NAV3: variants seen among roughly 807,000 people sequenced by gnomAD.
NAV3 encodes the protein pore membrane and/or filament interacting like protein 1.
In NAV3, 87 loss-of-function variants were observed where a neutral mutation model predicts 244.7. The ratio of observed to expected loss-of-function variants is 0.36; its 90% CI spans 0.30 to 0.42. The LOEUF is 0.42. NAV3 is among the 20% of genes least tolerant of loss of function. The pLI, the probability that NAV3 is intolerant of heterozygous loss-of-function variation, is 1.00. For synonymous variants in NAV3, 1,126 were observed against 1,042.2 expected, an observed-to-expected ratio of 1.08 and a Z score of -1.55; for missense variants, 2,663 against 2,893.3, an observed-to-expected ratio of 0.92 and a Z score of 1.83.
chr12:77,827,559 G>C (rs965358446), upstream of NAV3, among the ~76,000 whole-genome samples: 1 of 152,078 alleles, frequency 6.6e-6, no homozygotes, highest in African/African-American at 2.4e-5. Context: ...GGAATAAAAT[G>C]ACAACCAATT....
chr12:77,685,254 G>A (rs1040983424), intron 2 of NAV3, among the ~76,000 whole-genome samples: 2 of 152,136 alleles, frequency 1.3e-5, no homozygotes, highest in African/African-American at 4.8e-5. Context: ...CCTGTAAGCG[G>A]TGTGTAACAT....
At chr12:77,924,833 G>T (rs759650573) in intron 1 of NAV3, among the ~76,000 whole-genome samples, 9 of 151,948 alleles carry the variant, frequency 5.9e-5, no homozygotes, top group Non-Finnish European at 1.0e-4. Flanking sequence ...ATATTCCATT[G>T]ATTATAATAA....
intron 1 of NAV3, among the ~76,000 whole-genome samples, chr12:77,865,624 A>G (rs1397184570): frequency 6.6e-6 from 1 of 152,110 alleles, no homozygotes; most frequent in Non-Finnish European, 1.5e-5. Flanking sequence ...TGTTAAGAAT[A>G]ATATTTAGGG....
Position 77,751,635 on chromosome 12 carries a change from G to C in NAV3, c.72+179369G>C, listed in dbSNP as rs116669862. Among the ~76,000 whole-genome samples, 405 of 152,178 alleles carry C rather than the reference G, an allele frequency of 2.7e-3. 1 individual carries two copies. Among genetic ancestry groups the C allele is most frequent in the Middle Eastern group, 0.017 (5 of 294 alleles). ...GAGGCCCCCCCAGCCATGCCTAACT[G>C]TGAATCAATTAAACCTCTTTCCTTT... On this transcript the variant is annotated intron_variant, in intron 2 of 8. Coordinates refer to the NAV3 transcript ENST00000550042.
At position 77,868,662 on chromosome 12, in the gene NAV3, G is replaced by A. The variant is rs566259034; in HGVS notation, c.243+36958G>A. ...TCCCAGCTCCTCAGGTGGCTGAGGC[G>A]GGAGGATTGCTAGAACCTGGGAAAT... On this transcript the variant is annotated intron_variant, in intron 1 of 39. Coordinates refer to ENST00000397909, the MANE Select transcript of NAV3 (RefSeq NM_001024383.2). 1.6e-3 allele frequency among the ~76,000 whole-genome samples: 248 copies of A among 151,218 alleles called. 1 individual carries two copies. Among genetic ancestry groups the A allele is most frequent in the Middle Eastern group, 0.01 (3 of 292 alleles).
intron 2 of NAV3, among the ~76,000 whole-genome samples, chr12:77,649,714 A>G (rs750370476): frequency 6.6e-6 from 1 of 152,166 alleles, no homozygotes; most frequent in Non-Finnish European, 1.5e-5. Flanking sequence ...GTCTTGACAA[A>G]TATAAGATCA....
chr12:77,838,648 T>C (rs1360113590), intron 1 of NAV3, among the ~76,000 whole-genome samples: 3 of 152,166 alleles, frequency 2.0e-5, no homozygotes, highest in African/African-American at 7.2e-5. Context: ...ATAAAGCCAA[T>C]AGATATGTCA....
At chr12:77,975,349 A>T (rs1868298491) in intron 5 of NAV3, among the ~76,000 whole-genome samples, 1 of 152,224 alleles carries the variant, frequency 6.6e-6, no homozygotes, top group African/African-American at 2.4e-5. Context: ...AAAAGAGATT[A>T]AAAAATCTTT....
intron 2 of NAV3, among the ~76,000 whole-genome samples, chr12:77,722,202 A>G (rs1379524122): frequency 6.6e-6 from 1 of 152,112 alleles, no homozygotes; most frequent in African/African-American, 2.4e-5. Context: ...GGAAAGGTAT[A>G]AAAATGAATT....
In NAV3 at chr12:77,915,679, C is replaced by T. The variant is rs115124663; in HGVS notation, c.244-24640C>T. On this transcript the variant is annotated intron_variant, in intron 1 of 39. Transcript: ENST00000397909. ...ATATCCCTGAAGATAGTTATTTCATCTCTATGAAATAATTAAATTCACTGC... is the reference window on the plus strand; with the variant it reads ...ATATCCCTGAAGATAGTTATTTCATTTCTATGAAATAATTAAATTCACTGC... 2.7e-3 allele frequency among the ~76,000 whole-genome samples: 404 copies of T among 152,062 alleles called. 1 individual carries two copies. Among genetic ancestry groups the T allele is most frequent in the Middle Eastern group, 0.01 (3 of 294 alleles).
At chr12:78,128,267 TAA>T (rs33971273) in intron 17 of NAV3, among the ~76,000 whole-genome samples, 5 of 142,550 alleles carry the variant, frequency 3.5e-5, no homozygotes, top group Admixed American at 7.0e-5. Flanking sequence ...GTTTTTCCTT[TAA>T]AAAAAAAAAA....
rs1594066931 is a variant in NAV3, at chr12:78,210,529, A to G, written c.*12A>G. The G allele has an allele frequency of 6.2e-7, 1 of 1,608,014 alleles. No individual in the cohort carries two copies. Among genetic ancestry groups the G allele is most frequent in the African/African-American group, 1.3e-5 (1 of 74,552 alleles). The stretch of plus-strand genomic sequence containing the variant: ...AATCTACCCTCTAGAGGGTGAAAAA[A>G]GTTAAGGGAAAAGACTTTGCTTTTA... On this transcript the variant is annotated 3_prime_UTR_variant, in exon 40 of 40. Transcript: ENST00000397909.
chr12:77,680,908 G>T (rs560868085), intron 2 of NAV3, among the ~76,000 whole-genome samples: 35 of 152,172 alleles, frequency 2.3e-4, no homozygotes, highest in African/African-American at 8.2e-4. Flanking sequence ...GTGGAGATGA[G>T]AATCTATTAA....
chr12:78,024,723 A>G (rs1877717005), intron 9 of NAV3, among the ~76,000 whole-genome samples: 1 of 152,136 alleles, frequency 6.6e-6, no homozygotes, highest in African/African-American at 2.4e-5. Context: ...CACACCTGTA[A>G]TCCCAGCACT....
intron 2 of NAV3, among the ~76,000 whole-genome samples, chr12:77,780,427 T>G (rs892250709): frequency 6.6e-6 from 1 of 152,176 alleles, no homozygotes; most frequent in African/African-American, 2.4e-5. Flanking sequence ...CGAGACAGAT[T>G]TTATTCAAAA....
intron 2 of NAV3, among the ~76,000 whole-genome samples, chr12:77,623,205 A>G (rs1241613464): frequency 6.6e-6 from 1 of 152,238 alleles, no homozygotes; most frequent in Non-Finnish European, 1.5e-5. Flanking sequence ...TGTAACTGAA[A>G]AAAAATTGAT....
intron 2 of NAV3, among the ~76,000 whole-genome samples, chr12:77,687,873 C>G (rs897510313): frequency 1.3e-5 from 2 of 151,986 alleles, no homozygotes; most frequent in Non-Finnish European, 2.9e-5. Flanking sequence ...GGGATTTTAA[C>G]CTTTTTGACA....
At chr12:77,884,210 G>C (rs889544408) in intron 1 of NAV3, among the ~76,000 whole-genome samples, 1 of 152,100 alleles carries the variant, frequency 6.6e-6, no homozygotes, top group Non-Finnish European at 1.5e-5. Flanking sequence ...ATTGATGGAT[G>C]GACGGAGGGA....
chr12:78,128,916 T>C, intron 18 of NAV3, 50 bp downstream of exon 18: 1 of 1,555,470 alleles, frequency 6.4e-7, no homozygotes, highest in Non-Finnish European at 8.8e-7. Context: ...CACCACCCAC[T>C]CTCACAGAAA....
Sources: gnomAD v4.1 joint callset for allele counts (sites outside exome capture counted in the v4.1 genomes callset) on GRCh38, gnomAD v4.1.1 for gene constraint, MANE v1.5 for transcripts, NCBI Gene and HGNC (gene_info 2026-07-23, HGNC 2026-07-21) for gene names.